SGCD: variants seen among roughly 807,000 people sequenced by gnomAD.
SGCD encodes delta-sarcoglycan.
A neutral mutation model predicts 36.6 loss-of-function variants in SGCD; 18 were observed. That is an observed-to-expected ratio of 0.49 (90% CI 0.34 to 0.73). The LOEUF is 0.73. Ranked by LOEUF, SGCD falls within the 30% of genes least tolerant of loss-of-function variation. The probability of loss-of-function intolerance (pLI) is 0.01; values close to 1 mark genes in which losing one functional copy is unlikely to be tolerated. For synonymous variants in SGCD, 133 were observed against 130.6 expected, an observed-to-expected ratio of 1.02 and a Z score of -0.12; for missense variants, 387 against 346.7, an observed-to-expected ratio of 1.12 and a Z score of -0.92.
At chr5:155,984,599 T>G (rs986392407) in intron 1 of SGCD, among the ~76,000 whole-genome samples, 3 of 152,240 alleles carry the variant, frequency 2.0e-5, no homozygotes, top group Non-Finnish European at 2.9e-5. Flanking sequence ...TCTTCGGCAT[T>G]AATCTGTTAT....
chr5:155,876,424 C>T (rs1027215969), intron 1 of SGCD, among the ~76,000 whole-genome samples: 17 of 152,130 alleles, frequency 1.1e-4, no homozygotes, highest in African/African-American at 3.6e-4. Flanking sequence ...TTGCAAAGCA[C>T]CACATGAATG....
At chr5:156,755,959 G>A (rs531017052) in intron 7 of SGCD, among the ~76,000 whole-genome samples, 2 of 152,274 alleles carry the variant, frequency 1.3e-5, no homozygotes, top group African/African-American at 2.4e-5. Flanking sequence ...GGGTTGCTCC[G>A]TAGTGGATCT....
At chr5:155,965,453 T>A (rs1193353549) in intron 1 of SGCD, among the ~76,000 whole-genome samples, 3 of 152,150 alleles carry the variant, frequency 2.0e-5, no homozygotes, top group Admixed American at 2.0e-4. Flanking sequence ...TTCTTTTTTA[T>A]GTCTCACTTT....
At chr5:156,612,299 C>G (rs1292500101) in intron 6 of SGCD, among the ~76,000 whole-genome samples, 1 of 152,088 alleles carries the variant, frequency 6.6e-6, no homozygotes, top group Non-Finnish European at 1.5e-5. Flanking sequence ...CTGGGTGGAC[C>G]CAGTAACATA....
chr5:156,089,953 C>CAG (rs892209112), intron 1 of SGCD, among the ~76,000 whole-genome samples: 2 of 151,908 alleles, frequency 1.3e-5, no homozygotes, highest in Admixed American at 1.3e-4. Context: ...ACTAAAGCCC[C>CAG]AGACCCTGGG....
At chr5:156,507,712 A>T (rs1756761382) in intron 3 of SGCD, among the ~76,000 whole-genome samples, 1 of 152,216 alleles carries the variant, frequency 6.6e-6, no homozygotes. Context: ...CATTTTTAAA[A>T]TGACATTTAT....
intron 7 of SGCD, among the ~76,000 whole-genome samples, chr5:156,735,687 A>G (rs1756320175): frequency 6.6e-6 from 1 of 152,072 alleles, no homozygotes; most frequent in South Asian, 2.1e-4. Flanking sequence ...ATTCCAACCC[A>G]GTGGGTCTTA....
chr5:156,441,604 A>G (rs1753494141), intron 3 of SGCD, among the ~76,000 whole-genome samples: 1 of 152,210 alleles, frequency 6.6e-6, no homozygotes, highest in Non-Finnish European at 1.5e-5. Context: ...TAATTGAAAG[A>G]TGATTGCACA....
chr5:156,599,221 A>G (rs898539744), intron 6 of SGCD, among the ~76,000 whole-genome samples: 7 of 152,190 alleles, frequency 4.6e-5, no homozygotes, highest in African/African-American at 1.2e-4. Flanking sequence ...TTGAGTCGTC[A>G]GACTGTATAA....
intron 3 of SGCD, among the ~76,000 whole-genome samples, chr5:156,278,660 A>T (rs1766377320): frequency 1.3e-5 from 2 of 152,228 alleles, no homozygotes; most frequent in Non-Finnish European, 2.9e-5. Context: ...AGTACTTTTC[A>T]AACCTATCCT....
At chr5:155,900,429 TTA>T (rs1254322587) in intron 1 of SGCD, among the ~76,000 whole-genome samples, 1 of 144,242 alleles carries the variant, frequency 6.9e-6, no homozygotes, top group Non-Finnish European at 1.5e-5. Context: ...CTTTTTTTTA[TTA>T]TTATTATTAT....
intron 7 of SGCD, among the ~76,000 whole-genome samples, chr5:156,735,484 G>A (rs1756308449): frequency 6.6e-6 from 1 of 152,198 alleles, no homozygotes; most frequent in African/African-American, 2.4e-5. Flanking sequence ...TCCCTGTGAA[G>A]AGGAACAGGA....
chr5:156,513,979 G>A (rs189950708), intron 4 of SGCD, among the ~76,000 whole-genome samples: 218 of 152,302 alleles, frequency 1.4e-3, no homozygotes, highest in African/African-American at 5.2e-3. Context: ...CCACTTGAAT[G>A]CATTAGCACA....
intron 1 of SGCD, among the ~76,000 whole-genome samples, chr5:155,965,975 T>C (rs1031462541): frequency 6.6e-6 from 1 of 152,014 alleles, no homozygotes; most frequent in Non-Finnish European, 1.5e-5. Flanking sequence ...GGAAAAAAAA[T>C]TTCCCTGCCT....
chr5:156,211,116 G>T (rs1421289423), intron 3 of SGCD, among the ~76,000 whole-genome samples: 1 of 151,712 alleles, frequency 6.6e-6, no homozygotes, highest in Non-Finnish European at 1.5e-5. Flanking sequence ...TTTCTCAGCA[G>T]AAATCTTACA....
At chr5:156,303,156 A>C (rs1369609809) in intron 3 of SGCD, among the ~76,000 whole-genome samples, 1 of 152,158 alleles carries the variant, frequency 6.6e-6, no homozygotes, top group Non-Finnish European at 1.5e-5. Flanking sequence ...TTGGTGCTCC[A>C]TTCTACTACA....
intron 3 of SGCD, among the ~76,000 whole-genome samples, chr5:156,506,733 C>T (rs987468920): frequency 6.6e-6 from 1 of 152,050 alleles, no homozygotes; most frequent in Non-Finnish European, 1.5e-5. Context: ...AAAGTAAAAA[C>T]CTCATTGGTT....
chr5:156,094,261 G>A (rs1761323811), intron 1 of SGCD, among the ~76,000 whole-genome samples: 1 of 152,190 alleles, frequency 6.6e-6, no homozygotes, highest in Admixed American at 6.5e-5. Context: ...GTGGCCACAG[G>A]CTGAGCTGCA....
At position 156,607,087 on chromosome 5, in the gene SGCD, A is replaced by G. The variant is rs181396254; in HGVS notation, c.502+12036A>G. Among the ~76,000 whole-genome samples, 359 of 152,292 alleles carry G rather than the reference A, an allele frequency of 2.4e-3. 1 individual carries two copies. Among genetic ancestry groups the G allele is most frequent in the Middle Eastern group, 0.01 (3 of 294 alleles). The stretch of plus-strand genomic sequence containing the variant: ...GCCAGAACTTCCAACACTATGTTGA[A>G]TAGGAGTGGTGAGAGAGGGCATCCC... On this transcript the variant is annotated intron_variant, in intron 6 of 8. Coordinates refer to ENST00000337851, the MANE Select transcript of SGCD (RefSeq NM_000337.6).
Sources: allele counts gnomAD v4.1 joint callset (sites outside exome capture counted in the v4.1 genomes callset), GRCh38; gene constraint gnomAD v4.1.1; transcripts MANE v1.5; gene names NCBI Gene and HGNC (gene_info 2026-07-23, HGNC 2026-07-21).